The following CCDC3 variants were observed in gnomAD, a reference collection of about 807,000 sequenced individuals.
CCDC3 encodes coiled-coil domain-containing protein 3.
In CCDC3, 24 loss-of-function variants were observed where a neutral mutation model predicts 21.4. That is an observed-to-expected ratio of 1.12 (90% CI 0.81 to 1.58). The LOEUF (loss-of-function observed/expected upper bound fraction) is 1.58, where lower values mean the gene tolerates loss of function less well. CCDC3 is among the 40% of genes most tolerant of loss of function. CCDC3 has a pLI of 0.00. For missense variants in CCDC3, 425 were observed against 360.9 expected (o/e 1.18, Z -1.44); for synonymous variants, 186 against 166.0 (o/e 1.12, Z -0.93).
chr10:12,950,983 G>A lies in CCDC3; in HGVS notation c.549+47355C>T, dbSNP rs117881858. 3.1e-3 allele frequency among the ~76,000 whole-genome samples: 466 copies of A among 152,278 alleles called. 14 individuals carry two copies. In the East Asian group the frequency reaches 0.057, roughly 19 times the overall value. On this transcript the variant is annotated intron_variant, in intron 2 of 2. Coordinates refer to ENST00000378825, the MANE Select transcript of CCDC3 (RefSeq NM_031455.4). ...TCTGTCTGGCCTTCCTCGATAACAC[G>A]AAGGTTGAGCTTTCTCTGGCTCACT...
chr10:13,038,237 A>G (rs538688272), intron 5 of CCDC3, among the ~76,000 whole-genome samples: 1 of 152,242 alleles, frequency 6.6e-6, no homozygotes, highest in Non-Finnish European at 1.5e-5. Context: ...GGAGAGCATC[A>G]GGAAGAGTAG....
intron 4 of CCDC3, among the ~76,000 whole-genome samples, chr10:13,063,351 T>A (rs565098033): frequency 1.6e-5 from 2 of 121,802 alleles, no homozygotes; most frequent in South Asian, 5.2e-4. Flanking sequence ...CTATTTGATT[T>A]TTATGTATGT....
upstream of CCDC3, among the ~76,000 whole-genome samples, chr10:13,004,884 A>C (rs941848208): frequency 6.6e-6 from 1 of 152,120 alleles, no homozygotes; most frequent in African/African-American, 2.4e-5. Flanking sequence ...CTAATCACTA[A>C]GAACTTCCCC....
chr10:12,899,703 T>C (rs1293057689), intron 2 of CCDC3, among the ~76,000 whole-genome samples: 2 of 152,186 alleles, frequency 1.3e-5, no homozygotes, highest in African/African-American at 4.8e-5. Flanking sequence ...GTGTGTATAG[T>C]GTGATACCAA....
chr10:12,935,612 C>G (rs1834723669), intron 2 of CCDC3, among the ~76,000 whole-genome samples: 1 of 151,580 alleles, frequency 6.6e-6, no homozygotes, highest in Non-Finnish European at 1.5e-5. Flanking sequence ...AACTTCAACT[C>G]TTTTTTATTG....
intron 2 of CCDC3, among the ~76,000 whole-genome samples, chr10:12,954,332 C>CA (rs1835052167): frequency 6.6e-6 from 1 of 152,196 alleles, no homozygotes; most frequent in Admixed American, 6.5e-5. Flanking sequence ...AAAAGACATT[C>CA]AACTCAAATA....
At chr10:13,009,226 C>T (rs1374442138) in intron 5 of CCDC3, among the ~76,000 whole-genome samples, 1 of 152,042 alleles carries the variant, frequency 6.6e-6, no homozygotes, top group African/African-American at 2.4e-5. Flanking sequence ...ATGTAAAAGA[C>T]TTATACATTG....
intron 2 of CCDC3, among the ~76,000 whole-genome samples, chr10:12,977,380 T>C (rs1426146451): frequency 6.6e-6 from 1 of 152,048 alleles, no homozygotes; most frequent in Non-Finnish European, 1.5e-5. Context: ...AGCAGTGCCC[T>C]CTAAATTTTC....
At position 12,898,350 on chromosome 10, in the gene CCDC3, C is replaced by T. The variant is rs1834032922; in HGVS notation, c.*66G>A. 5 of 1,468,368 alleles carry T rather than the reference C, an allele frequency of 3.4e-6. No homozygotes were observed. The highest frequency in any genetic ancestry group is 4.6e-6 in the Non-Finnish European group (5 of 1,092,588). The allele number at this position is 1,468,368 out of a possible 1,614,324, so 91.0% of individuals were successfully genotyped here. ...ACAACCCTTGAAATAGCTGCATGTA[C>T]GAAACCTCACTCATTCTCAATTACC... On this transcript the variant is annotated 3_prime_UTR_variant, in exon 3 of 3. Coordinates refer to ENST00000378825, the MANE Select transcript of CCDC3 (RefSeq NM_031455.4).
intron 5 of CCDC3, among the ~76,000 whole-genome samples, chr10:13,015,759 C>T (rs1397377092): frequency 6.6e-6 from 1 of 152,004 alleles, no homozygotes; most frequent in Non-Finnish European, 1.5e-5. Flanking sequence ...GAACCCCCAA[C>T]TTGGGCCACT....
Position 13,058,188 on chromosome 10 carries a change from T to C in CCDC3, c.-269-8247A>G, listed in dbSNP as rs191608797. 189 of 1,143,308 alleles carry C rather than the reference T, an allele frequency of 1.7e-4. 1 individual carries two copies. The African/African-American group carries it at 2.6e-3, about 15-fold the overall frequency. The allele number at this position is 1,143,308 out of a possible 1,614,324, so 70.8% of individuals were successfully genotyped here. On this transcript the variant is annotated intron_variant, in intron 4 of 6. Transcript: ENST00000378839. ...GACAAGCCTCCATCCACAGCTCCCT[T>C]CAGGGTGCCAAAAACTTGATTGCCA... is the stretch of plus-strand genomic sequence containing the variant.
chr10:13,027,570 GCA>G, intron 5 of CCDC3, among the ~76,000 whole-genome samples: 1 of 152,082 alleles, frequency 6.6e-6, no homozygotes, highest in Non-Finnish European at 1.5e-5. Flanking sequence ...CACGCCCAGG[GCA>G]CAGTGGCTCA....
At chr10:13,051,140 A>G (rs978058396) in intron 4 of CCDC3, among the ~76,000 whole-genome samples, 3 of 152,094 alleles carry the variant, frequency 2.0e-5, no homozygotes, top group Non-Finnish European at 4.4e-5. Flanking sequence ...CCTTTGAGTT[A>G]TTATTCAGAT....
chr10:13,059,129 C>A (rs761053768), intron 4 of CCDC3, among the ~76,000 whole-genome samples: 3 of 152,194 alleles, frequency 2.0e-5, no homozygotes, highest in South Asian at 2.1e-4. Context: ...TGCTGGCATA[C>A]GCACACTTCG....
intron 2 of CCDC3, among the ~76,000 whole-genome samples, chr10:12,973,346 A>T (rs1288649180): frequency 6.6e-6 from 1 of 152,098 alleles, no homozygotes; most frequent in African/African-American, 2.4e-5. Flanking sequence ...GTTAAGTCAC[A>T]GCTGAATGGA....
In CCDC3 at chr10:13,082,209, T is replaced by C. The variant is rs560992146; in HGVS notation, c.-502-8109A>G. Among the ~76,000 whole-genome samples, 3 of 152,144 alleles carry C rather than the reference T, an allele frequency of 2.0e-5. No individual in the cohort carries two copies. In the East Asian group the frequency reaches 5.8e-4, roughly 29 times the overall value. Reference sequence around the variant, plus strand: ...AATGCCAGGCTGTGCTGTTATTTATTGGATACAAGACAAGGGGGCAGGGTA... The same window carrying C: ...AATGCCAGGCTGTGCTGTTATTTATCGGATACAAGACAAGGGGGCAGGGTA... On this transcript the variant is annotated intron_variant, in intron 3 of 6. Coordinates refer to the CCDC3 transcript ENST00000378839.
At chr10:12,899,720 G>A (rs764904901) in intron 2 of CCDC3, among the ~76,000 whole-genome samples, 28 of 152,302 alleles carry the variant, frequency 1.8e-4, no homozygotes, top group African/African-American at 3.1e-4. Context: ...CCAAGAGTGC[G>A]AAATACGGTA....
intron 2 of CCDC3, among the ~76,000 whole-genome samples, chr10:12,957,330 C>G (rs943178707): frequency 6.6e-6 from 1 of 152,248 alleles, no homozygotes; most frequent in Non-Finnish European, 1.5e-5. Context: ...AAGCCTCTCT[C>G]CTGCACTGCA....
intron 2 of CCDC3, among the ~76,000 whole-genome samples, chr10:12,948,493 AC>A (rs1834956087): frequency 7.0e-6 from 1 of 141,976 alleles, no homozygotes; most frequent in African/African-American, 2.6e-5. Flanking sequence ...ACACACACAC[AC>A]GGGAGGGGCC....
Sources: gnomAD v4.1 joint callset for allele counts (sites outside exome capture counted in the v4.1 genomes callset) on GRCh38, gnomAD v4.1.1 for gene constraint, MANE v1.5 for transcripts, NCBI Gene and HGNC (gene_info 2026-07-23, HGNC 2026-07-21) for gene names.